Variants in SELP observed in about 807,000 individuals in gnomAD.
SELP encodes P-selectin.
Under a neutral mutation model 104.1 loss-of-function variants are expected in SELP, and 92 were observed. That is an observed-to-expected ratio of 0.88 (90% CI 0.75 to 1.05). The LOEUF (loss-of-function observed/expected upper bound fraction) is 1.05, where lower values mean the gene tolerates loss of function less well. Among genes scored for constraint, SELP ranks in the 50% least tolerant of loss-of-function variants. SELP has a pLI of 0.00. For synonymous variants in SELP, 397 were observed against 364.5 expected (o/e 1.09, Z -1.01); for missense variants, 1,022 against 1,017.3 (o/e 1.00, Z -0.06).
In SELP at chr1:169,594,840, T is replaced by C; in HGVS notation, c.2139A>G (p.Ile713Met). The change falls in exon 13 of 17, where the codon ATA becomes ATG. Residue 713 changes from isoleucine to methionine, a missense_variant. By Grantham distance (10) the Ile-to-Met change is conservative. Transcript: ENST00000263686. ...KCSELHVNKP[I>M]AMNCSNLWGN... ...CCCAGAGGTTGGAGCAGTTCATCGCTATTGGCTTATTAACATGTAGTTCTG... is the reference window on the plus strand; with the variant it reads ...CCCAGAGGTTGGAGCAGTTCATCGCCATTGGCTTATTAACATGTAGTTCTG... The C allele has an allele frequency of 6.2e-7, 1 of 1,613,700 alleles. No individual in the cohort carries two copies. Among genetic ancestry groups the C allele is most frequent in the Non-Finnish European group, 8.5e-7 (1 of 1,179,722 alleles).
chr1:169,589,859 A>T (rs1375722002), intron 16 of SELP, among the ~76,000 whole-genome samples: 2 of 152,202 alleles, frequency 1.3e-5, no homozygotes, highest in Non-Finnish European at 2.9e-5. Context: ...GCAAGGCCAC[A>T]TCATCACCAC....
intron 10 of SELP, among the ~76,000 whole-genome samples, chr1:169,598,095 C>A (rs1436168617): frequency 4.6e-5 from 7 of 152,196 alleles, no homozygotes; most frequent in Non-Finnish European, 7.3e-5. Context: ...TGCTCAGTAA[C>A]CACTTGCCAA....
At chr1:169,609,803 C>T (rs1482831815) in intron 7 of SELP, 114 bp from the exon 8 acceptor site, 1 of 952,544 alleles carries the variant, frequency 1.0e-6, no homozygotes, top group Non-Finnish European at 1.5e-6. Context: ...TGTTCAGAAC[C>T]CTAAAACCTC....
chr1:169,595,832 T>C, intron 12 of SELP, 93 bp downstream of exon 12: 1 of 1,038,496 alleles, frequency 9.6e-7, no homozygotes, highest in Non-Finnish European at 1.5e-6. Flanking sequence ...GTAGTGGTTG[T>C]GGTTGGGTGA....
chr1:169,589,345 A>G lies in SELP; in HGVS notation c.*118T>C, dbSNP rs1661234614. 6.6e-6 allele frequency: 1 copy of G among 152,168 alleles called. No individual in the cohort carries two copies. Among genetic ancestry groups the G allele is most frequent in the African/African-American group, 2.4e-5 (1 of 41,420 alleles). The allele number at this position is 152,168 out of a possible 1,614,324, so 9.4% of individuals were successfully genotyped here. A position where few individuals can be genotyped will look rare whatever the true frequency, so the allele number is the denominator to read the frequency against. On this transcript the variant is annotated 3_prime_UTR_variant, in exon 17 of 17. Coordinates refer to ENST00000263686, the MANE Select transcript of SELP (RefSeq NM_003005.4). Reference sequence around the variant, plus strand: ...AGGGGTGGTAGGTTGAGAATTTGAGATTGTACCACAATCCCAAACTCAGGA... The same window carrying G: ...AGGGGTGGTAGGTTGAGAATTTGAGGTTGTACCACAATCCCAAACTCAGGA...
At chr1:169,591,824 T>C (rs1661370630) in intron 14 of SELP, among the ~76,000 whole-genome samples, 1 of 152,180 alleles carries the variant, frequency 6.6e-6, no homozygotes, top group Non-Finnish European at 1.5e-5. Flanking sequence ...CCTGGTAGCA[T>C]ATTTTTATCC....
chr1:169,591,874 G>T (rs1337930244), intron 14 of SELP, among the ~76,000 whole-genome samples: 1 of 152,148 alleles, frequency 6.6e-6, no homozygotes, highest in African/African-American at 2.4e-5. Flanking sequence ...AGCTATGGCT[G>T]CAGCATTTTC....
chr1:169,592,605 C>A lies in SELP; in HGVS notation c.2407+1000G>T, dbSNP rs565104154. 2.6e-5 allele frequency among the ~76,000 whole-genome samples: 4 copies of A among 152,232 alleles called. No homozygotes were observed. In the South Asian group the frequency reaches 8.3e-4, roughly 32 times the overall value. ...AAGATTGAGAAAGGATGTTTTAAAC[C>A]TTAAGAGATGGGATGTTCCCATCTT... On this transcript the variant is annotated intron_variant, in intron 14 of 16. Transcript: ENST00000263686.
At chr1:169,627,948 T>C (rs1347018552) in intron 1 of SELP, among the ~76,000 whole-genome samples, 2 of 152,164 alleles carry the variant, frequency 1.3e-5, no homozygotes, top group African/African-American at 4.8e-5. Context: ...CAGGCTGGAG[T>C]TCAGTGGTGT....
At chr1:169,611,928 G>A (rs1312491627) in intron 6 of SELP, among the ~76,000 whole-genome samples, 1 of 152,082 alleles carries the variant, frequency 6.6e-6, no homozygotes, top group Non-Finnish European at 1.5e-5. Context: ...ACCTGTCTCA[G>A]TAGGTCTTCT....
intron 9 of SELP, among the ~76,000 whole-genome samples, chr1:169,605,973 A>T (rs867896730): frequency 5.3e-4 from 80 of 152,320 alleles, no homozygotes; most frequent in Middle Eastern, 6.8e-3. Context: ...GAACCCGTTC[A>T]AGTTCATACA....
intron 12 of SELP, 79 bp from the exon 13 acceptor site, chr1:169,594,956 C>A: frequency 7.6e-7 from 1 of 1,311,128 alleles, no homozygotes; most frequent in Non-Finnish European, 1.1e-6. Flanking sequence ...TGTAACCTAA[C>A]ATTGCCAATA....
At position 169,595,948 on chromosome 1, in the gene SELP, G is replaced by A; in HGVS notation, c.2078C>T (p.Thr693Ile). ...TLSCRPSGQW[T>I]AVTPACRAVK... is the part of the protein sequence containing the mutation. ...ACCTCTGCATGCTGGAGTTACTGCT[G>A]TCCATTGTCCTGAAGGTCTGCAGCT... The change falls in exon 12 of 17, where the codon ACA becomes ATA. Residue 693 changes from threonine (T) to isoleucine (I), a missense_variant. Physicochemically the swap from Thr to Ile is moderately conservative, Grantham distance 89. Coordinates refer to ENST00000263686, the MANE Select transcript of SELP (RefSeq NM_003005.4). The A allele has an allele frequency of 6.2e-7, 1 of 1,613,732 alleles. No individual in the cohort carries two copies. Among genetic ancestry groups the A allele is most frequent in the Non-Finnish European group, 8.5e-7 (1 of 1,179,778 alleles).
chr1:169,594,806 T>A lies in SELP; in HGVS notation c.2173A>T (p.Ser725Cys). 1.2e-6 allele frequency: 2 copies of A among 1,613,872 alleles called. No individual in the cohort carries two copies. The highest frequency in any genetic ancestry group is 1.7e-6 in the Non-Finnish European group (2 of 1,179,826). ...TGGAAAGAGCAGATTGATCCATAAC[T>A]GAAGTTTCCCCAGAGGTTGGAGCAG... is the stretch of plus-strand genomic sequence containing the variant. ...MNCSNLWGNFSYGSICSFHCL... is the reference protein window; with the variant it reads ...MNCSNLWGNFCYGSICSFHCL... The change falls in exon 13 of 17, where the codon AGT becomes TGT. Residue 725 changes from serine to cysteine, a missense_variant. Transcript: ENST00000263686.
intron 10 of SELP, among the ~76,000 whole-genome samples, chr1:169,601,297 C>T (rs533649165): frequency 1.3e-5 from 2 of 152,026 alleles, no homozygotes; most frequent in African/African-American, 4.8e-5. Flanking sequence ...TGTCTTTCAC[C>T]CTACAGAATT....
chr1:169,595,167 A>G (rs1180735730), intron 12 of SELP, among the ~76,000 whole-genome samples: 1 of 152,180 alleles, frequency 6.6e-6, no homozygotes, highest in Non-Finnish European at 1.5e-5. Context: ...TACTATTTAC[A>G]AAATTTTGGT....
rs1043535939 is a variant in SELP, at chr1:169,598,030, G to T, written c.1706-854C>A. Among the ~76,000 whole-genome samples the T allele has an allele frequency of 1.2e-4, 18 of 152,182 alleles. No homozygotes were observed. The East Asian group carries it at 3.5e-3, about 29-fold the overall frequency. Reference sequence around the variant, plus strand: ...GGATGGGAAAGTGTCTAAAACCCAAGAATGATTCATCCTTGAGTCTTCCAT... The same window carrying T: ...GGATGGGAAAGTGTCTAAAACCCAATAATGATTCATCCTTGAGTCTTCCAT... On this transcript the variant is annotated intron_variant, in intron 10 of 16. Coordinates refer to ENST00000263686, the MANE Select transcript of SELP (RefSeq NM_003005.4).
At chr1:169,608,134 CTTCTTGTTTT>C (rs1400761850) in intron 8 of SELP, among the ~76,000 whole-genome samples, 2 of 139,050 alleles carry the variant, frequency 1.4e-5, no homozygotes, top group Non-Finnish European at 3.1e-5. Flanking sequence ...ATTCTATTGC[CTTCTTGTTTT>C]TTCTTTTTTT....
intron 7 of SELP, among the ~76,000 whole-genome samples, chr1:169,611,062 T>C (rs1398812522): frequency 6.6e-6 from 1 of 152,120 alleles, no homozygotes; most frequent in Non-Finnish European, 1.5e-5. Flanking sequence ...CGGAATTATG[T>C]AATTGCCTGG....
Sources: gnomAD v4.1 joint callset for allele counts (sites outside exome capture counted in the v4.1 genomes callset) on GRCh38, gnomAD v4.1.1 for gene constraint, MANE v1.5 for transcripts, NCBI Gene and HGNC (gene_info 2026-07-23, HGNC 2026-07-21) for gene names.